Variants in SHB observed in about 807,000 individuals in gnomAD.
SHB encodes SH2 domain-containing adapter protein B.
SHB carries 20 observed loss-of-function variants against 52.3 expected under a neutral mutation model. The observed-to-expected ratio is 0.38, with a 90% CI of 0.27 to 0.56. The LOEUF is 0.56. Ranked by LOEUF, SHB falls within the 20% of genes least tolerant of loss-of-function variation. The pLI is 0.71. For synonymous variants in SHB, 397 were observed against 316.5 expected (o/e 1.25, Z -2.70); for missense variants, 825 against 723.3 (o/e 1.14, Z -1.61).
chr9:37,979,377 T>C (rs1820693934), intron 2 of SHB, among the ~76,000 whole-genome samples: 1 of 152,030 alleles, frequency 6.6e-6, no homozygotes, highest in South Asian at 2.1e-4. Context: ...AATCAGAGAA[T>C]GTTAGAACTG....
chr9:37,956,568 G>A (rs528983581), intron 3 of SHB, among the ~76,000 whole-genome samples: 12 of 152,246 alleles, frequency 7.9e-5, no homozygotes, highest in South Asian at 6.2e-4. Flanking sequence ...CAGATCCCCC[G>A]CATGGGCCCA....
At position 37,917,587 on chromosome 9, in the gene SHB, T is replaced by C. The variant is rs1276776369; in HGVS notation, c.*2234A>G. On this transcript the variant is annotated 3_prime_UTR_variant, in exon 6 of 6. Coordinates refer to ENST00000377707, the MANE Select transcript of SHB (RefSeq NM_003028.3). ...GTTGTTCCCCCTCTTCCTCAGCCTC[T>C]CTTGGGCCTCCTCTGAGAATAAGCC... 1.3e-5 allele frequency among the ~76,000 whole-genome samples: 2 copies of C among 152,296 alleles called. No homozygotes were observed. The highest frequency in any genetic ancestry group is 4.8e-5 in the African/African-American group (2 of 41,572).
chr9:37,938,732 T>C (rs970372959), intron 5 of SHB, among the ~76,000 whole-genome samples: 3 of 152,180 alleles, frequency 2.0e-5, no homozygotes, highest in African/African-American at 7.2e-5. Flanking sequence ...CACTGCTCCA[T>C]CCCTGGCTCA....
chr9:38,032,073 C>A (rs559701364), intron 1 of SHB, among the ~76,000 whole-genome samples: 2 of 152,052 alleles, frequency 1.3e-5, no homozygotes, highest in African/African-American at 4.8e-5. Context: ...TGCCAGGGCC[C>A]GAGAACCTCG....
intron 2 of SHB, among the ~76,000 whole-genome samples, chr9:38,005,922 G>A (rs1821071548): frequency 6.6e-6 from 1 of 152,066 alleles, no homozygotes; most frequent in Admixed American, 6.5e-5. Flanking sequence ...AATAGTTTGG[G>A]GCCCTCCTCT....
chr9:38,067,135 G>A (rs1821979805), intron 1 of SHB, among the ~76,000 whole-genome samples: 1 of 152,154 alleles, frequency 6.6e-6, no homozygotes, highest in South Asian at 2.1e-4. Context: ...CGTTAGGAAG[G>A]GGGCTGTCAC....
chr9:37,969,329 T>C (rs916324668), intron 3 of SHB, among the ~76,000 whole-genome samples: 3 of 152,170 alleles, frequency 2.0e-5, no homozygotes, highest in African/African-American at 7.2e-5. Flanking sequence ...AGCCAAGTTA[T>C]TTCTTCTCAT....
chr9:37,926,349 C>T (rs1488298884), intron 5 of SHB, among the ~76,000 whole-genome samples: 3 of 152,156 alleles, frequency 2.0e-5, no homozygotes, highest in Admixed American at 6.5e-5. Context: ...TCCTCACACC[C>T]GCGAGCAGGA....
intron 5 of SHB, among the ~76,000 whole-genome samples, chr9:37,929,736 C>T (rs1003296577): frequency 2.6e-5 from 4 of 152,196 alleles, no homozygotes; most frequent in African/African-American, 9.7e-5. Flanking sequence ...GCCCTGAGAT[C>T]GATTTCCTGA....
intron 1 of SHB, among the ~76,000 whole-genome samples, chr9:38,059,727 G>A (rs531880539): frequency 7.4e-4 from 112 of 152,156 alleles, no homozygotes; most frequent in African/African-American, 2.6e-3. Flanking sequence ...ATTCGGCCAC[G>A]CCACCTCCAC....
intron 5 of SHB, among the ~76,000 whole-genome samples, chr9:37,921,395 G>A (rs1381128574): frequency 6.6e-6 from 1 of 152,196 alleles, no homozygotes; most frequent in Non-Finnish European, 1.5e-5. Context: ...AAGCTTACAA[G>A]TGCCCACTCT....
At chr9:37,920,055 G>A in intron 5 of SHB, 51 bp from the exon 6 acceptor site, 1 of 1,431,864 alleles carries the variant, frequency 7.0e-7, no homozygotes, top group Non-Finnish European at 9.8e-7. Context: ...CACTCAGGCT[G>A]AGGCCAAGGG....
chr9:38,063,219 T>TGG (rs1173499816), intron 1 of SHB, among the ~76,000 whole-genome samples: 1 of 152,354 alleles, frequency 6.6e-6, no homozygotes, highest in Non-Finnish European at 1.5e-5. Context: ...TTTTAAGAAC[T>TGG]GGAGAGTGTG....
chr9:37,938,831 C>T (rs1001654381), intron 5 of SHB, among the ~76,000 whole-genome samples: 3 of 152,184 alleles, frequency 2.0e-5, no homozygotes, highest in Non-Finnish European at 4.4e-5. Flanking sequence ...TGCACTGGGC[C>T]GTGAACTGGC....
chr9:38,041,527 G>A (rs1378996977), intron 1 of SHB, among the ~76,000 whole-genome samples: 1 of 152,148 alleles, frequency 6.6e-6, no homozygotes, highest in Non-Finnish European at 1.5e-5. Context: ...GGGCATGCCT[G>A]CTTCAGAAAT....
intron 5 of SHB, among the ~76,000 whole-genome samples, chr9:37,944,241 G>GT (rs1832467178): frequency 2.0e-5 from 3 of 152,172 alleles, no homozygotes; most frequent in African/African-American, 7.2e-5. Flanking sequence ...CGCCACTGTG[G>GT]GTCACTGCAA....
At chr9:37,950,099 T>A (rs1204254637) in intron 4 of SHB, among the ~76,000 whole-genome samples, 2 of 152,100 alleles carry the variant, frequency 1.3e-5, no homozygotes, top group African/African-American at 4.8e-5. Context: ...CCACCATACC[T>A]GGCTATTTTA....
intron 4 of SHB, 75 bp downstream of exon 4, chr9:37,955,808 G>T: frequency 7.0e-7 from 1 of 1,429,054 alleles, no homozygotes; most frequent in South Asian, 1.3e-5. Context: ...ATTTTTAAAA[G>T]AAGATGACAT....
intron 4 of SHB, among the ~76,000 whole-genome samples, chr9:37,955,641 T>C (rs910818829): frequency 1.5e-5 from 2 of 130,890 alleles, no homozygotes; most frequent in Non-Finnish European, 3.2e-5. Context: ...TCATACCTGG[T>C]TAATTTTTGT....
Sources: gnomAD v4.1 joint callset for allele counts (sites outside exome capture counted in the v4.1 genomes callset) on GRCh38, gnomAD v4.1.1 for gene constraint, MANE v1.5 for transcripts, NCBI Gene and HGNC (gene_info 2026-07-23, HGNC 2026-07-21) for gene names.